The following COQ10B variants were observed in gnomAD, a reference collection of about 807,000 sequenced individuals.
COQ10B encodes the protein coenzyme Q10B.
In COQ10B, 12 loss-of-function variants were observed where a neutral mutation model predicts 27.6. The ratio of observed to expected loss-of-function variants is 0.43; its 90% CI spans 0.28 to 0.70. The LOEUF (loss-of-function observed/expected upper bound fraction) is 0.70. Ranked by LOEUF, COQ10B falls within the 30% of genes least tolerant of loss-of-function variation. COQ10B has a pLI of 0.17. For missense variants in COQ10B, 278 were observed against 288.7 expected, an observed-to-expected ratio of 0.96 and a Z score of 0.27; for synonymous variants, 115 against 103.0, an observed-to-expected ratio of 1.12 and a Z score of -0.71.
At chr2:197,455,347 T>C (rs2085684417) in intron 1 of COQ10B, among the ~76,000 whole-genome samples, 2 of 152,216 alleles carry the variant, frequency 1.3e-5, no homozygotes, top group East Asian at 3.9e-4. Flanking sequence ...TGAATGGTAC[T>C]GGGCGCAGTG....
intron 1 of COQ10B, among the ~76,000 whole-genome samples, chr2:197,455,874 A>G (rs1056137202): frequency 2.0e-5 from 3 of 152,020 alleles, no homozygotes; most frequent in Non-Finnish European, 2.9e-5. Flanking sequence ...TGGGAGAATC[A>G]CCTGAGCCCA....
chr2:197,454,059 C>A, intron 1 of COQ10B: 2 of 1,551,252 alleles, frequency 1.3e-6, no homozygotes. Context: ...GGTGAGCCCC[C>A]TTCTCCGGTT....
chr2:197,454,873 G>A (rs557310331), intron 1 of COQ10B, among the ~76,000 whole-genome samples: 4 of 152,022 alleles, frequency 2.6e-5, no homozygotes, highest in Non-Finnish European at 4.4e-5. Context: ...ACTGGAAGAC[G>A]AGTGACAAAA....
At chr2:197,457,562 T>G (rs1295865582) in intron 1 of COQ10B, among the ~76,000 whole-genome samples, 1 of 152,218 alleles carries the variant, frequency 6.6e-6, no homozygotes, top group East Asian at 1.9e-4. Flanking sequence ...TATAGGAATC[T>G]TAAAATCTTA....
chr2:197,459,051 A>G (rs1352581707), intron 1 of COQ10B, among the ~76,000 whole-genome samples: 1 of 152,232 alleles, frequency 6.6e-6, no homozygotes, highest in Non-Finnish European at 1.5e-5. Flanking sequence ...ACATTTGTAC[A>G]TAGAAGTACC....
rs563333809 is a variant in COQ10B at position 197,462,972 on chromosome 2, A to G, written c.447+241A>G. ...TTTTTTTTCCCTTCTATTGAGGACT[A>G]CTGACCCACAGGACAGATCACTTGC... On this transcript the variant is annotated intron_variant, in intron 3 of 4. Transcript: ENST00000263960. Among the ~76,000 whole-genome samples the G allele has an allele frequency of 5.3e-5, 8 of 152,300 alleles. No homozygotes were observed. The East Asian group carries it at 1.2e-3, about 22-fold the overall frequency.
At position 197,462,596 on chromosome 2, in the gene COQ10B, T is replaced by G; in HGVS notation, c.312T>G (p.Phe104Leu). The change falls in exon 3 of 5, where the codon TTT becomes TTG. Residue 104 changes from phenylalanine (F) to leucine (L), a missense_variant. Physicochemically the swap from Phe to Leu is conservative, Grantham distance 22. Coordinates refer to ENST00000263960, the MANE Select transcript of COQ10B (RefSeq NM_025147.5). ...CGGGAGTGGAGGATTACAAGCATTT[T>G]GTTCCTTGGTGCAAAAAATCAGATG... ...VVSGVEDYKH[F>L]VPWCKKSDVI... is the part of the protein sequence containing the mutation. 1 of 1,595,058 alleles carries G rather than the reference T, an allele frequency of 6.3e-7. No homozygotes were observed.
At chr2:197,468,943 T>C (rs1256223614) in intron 3 of COQ10B, among the ~76,000 whole-genome samples, 3 of 152,364 alleles carry the variant, frequency 2.0e-5, no homozygotes, top group Admixed American at 6.5e-5. Flanking sequence ...GTCCTAACAA[T>C]GAACTAGTAA....
intron 3 of COQ10B, among the ~76,000 whole-genome samples, chr2:197,464,662 A>G (rs184095397): frequency 6.6e-6 from 1 of 152,208 alleles, no homozygotes; most frequent in East Asian, 1.9e-4. Flanking sequence ...CTTTACTTGA[A>G]TTACTCAAAT....
intron 3 of COQ10B, among the ~76,000 whole-genome samples, chr2:197,464,242 A>G (rs1349473509): frequency 3.9e-5 from 6 of 152,012 alleles, no homozygotes; most frequent in Admixed American, 3.3e-4. Flanking sequence ...ACAAAAAGGC[A>G]GAATTCCATG....
intron 3 of COQ10B, among the ~76,000 whole-genome samples, chr2:197,466,882 T>A (rs983442170): frequency 1.3e-5 from 2 of 152,134 alleles, no homozygotes; most frequent in Admixed American, 1.3e-4. Flanking sequence ...TGCTAGTTTG[T>A]TTTTTAAAGA....
intron 3 of COQ10B, among the ~76,000 whole-genome samples, chr2:197,466,946 ATT>A (rs761370832): frequency 1.9e-4 from 27 of 138,886 alleles, no homozygotes; most frequent in Non-Finnish European, 2.2e-4. Flanking sequence ...CAGTTTCCAG[ATT>A]TTTTTTTTTT....
At chr2:197,463,389 G>A (rs1042305668) in intron 3 of COQ10B, among the ~76,000 whole-genome samples, 8 of 151,540 alleles carry the variant, frequency 5.3e-5, no homozygotes, top group South Asian at 2.1e-4. Context: ...GGAGAATCAC[G>A]TGAACCCGGA....
intron 1 of COQ10B, among the ~76,000 whole-genome samples, chr2:197,458,799 G>A (rs566949530): frequency 1.6e-4 from 24 of 151,234 alleles, no homozygotes; most frequent in Admixed American, 1.4e-3. Context: ...TCCTGCCTCA[G>A]CCTCCTGAGT....
Position 197,468,867 on chromosome 2 carries a change from AAAAAATAAAAAT to A in COQ10B, c.448-1186_448-1175del, listed in dbSNP as rs146473479. Among the ~76,000 whole-genome samples, 367 of 152,158 alleles carry A rather than the reference AAAAAATAAAAAT, an allele frequency of 2.4e-3. 1 individual carries two copies. The highest frequency in any genetic ancestry group is 5.8e-3 in the African/African-American group (242 of 41,512). On this transcript the variant is annotated intron_variant, in intron 3 of 4. Transcript: ENST00000263960. ...CAGCTACTTGGGAGGCTGAGGTGGG[AAAAAATAAAAAT>A]AAAAATAAAAATAAAATGCTGAGCA...
chr2:197,459,960 A>T lies in COQ10B; in HGVS notation c.133A>T (p.Ser45Cys). The part of the protein sequence containing the change: ...RYLASCGILM[S>C]RTLPLHTSIL... ...TTTAGCTTCCTGTGGTATACTGATG[A>T]GCAGAACTCTTCCACTACATACCTC... Residue 45 changes from serine (S) to cysteine (C), a missense_variant, in exon 2 of 5, where the codon AGC becomes TGC. Ser to Cys is a moderately radical substitution (Grantham distance 112). Transcript: ENST00000263960. 1 of 1,611,034 alleles carries T rather than the reference A, an allele frequency of 6.2e-7. No homozygotes were observed. The highest frequency in any genetic ancestry group is 8.5e-7 in the Non-Finnish European group (1 of 1,178,594).
At chr2:197,460,817 G>A (rs542070721) in intron 2 of COQ10B, among the ~76,000 whole-genome samples, 8 of 152,274 alleles carry the variant, frequency 5.3e-5, no homozygotes, top group Admixed American at 2.6e-4. Context: ...ATTGTAGTCC[G>A]AAGGCAGACA....
At chr2:197,453,832 C>A in intron 1 of COQ10B, 168 bp downstream of exon 1, 1 of 1,057,872 alleles carries the variant, frequency 9.5e-7, no homozygotes, top group Non-Finnish European at 1.4e-6. Context: ...TCAAGAGCGG[C>A]GCGCATCACC....
At chr2:197,460,865 A>G (rs1232940740) in intron 2 of COQ10B, among the ~76,000 whole-genome samples, 1 of 152,212 alleles carries the variant, frequency 6.6e-6, no homozygotes, top group Non-Finnish European at 1.5e-5. Flanking sequence ...GCCACATTCC[A>G]GTAAAACTTT....
Sources: allele counts gnomAD v4.1 joint callset (sites outside exome capture counted in the v4.1 genomes callset), GRCh38; gene constraint gnomAD v4.1.1; transcripts MANE v1.5; gene names NCBI Gene and HGNC (gene_info 2026-07-23, HGNC 2026-07-21).